The following CACNA1B variants were observed in gnomAD, a reference collection of about 807,000 sequenced individuals.
CACNA1B encodes voltage-dependent N-type calcium channel subunit alpha-1B.
In CACNA1B, 70 loss-of-function variants were observed where a neutral mutation model predicts 247.2. The observed-to-expected ratio is 0.28, with a 90% CI of 0.23 to 0.35. The LOEUF (loss-of-function observed/expected upper bound fraction) is 0.35. Among genes scored for constraint, CACNA1B ranks in the 10% least tolerant of loss-of-function variants. CACNA1B has a pLI of 1.00. For synonymous variants in CACNA1B, 1,231 were observed against 1,294.4 expected, an observed-to-expected ratio of 0.95 and a Z score of 1.05; for missense variants, 2,367 against 3,197.4, an observed-to-expected ratio of 0.74 and a Z score of 6.26.
Position 137,891,907 on chromosome 9 carries a change from G to A in CACNA1B, c.530+9024G>A, listed in dbSNP as rs532314917. ...CCTGCCCTCTTCACGACCCTGCTGT[G>A]AGCTCCTTTCTCCAGGGCTGGGCAG... On this transcript the variant is annotated intron_variant, in intron 3 of 46. Coordinates refer to ENST00000371372, the MANE Select transcript of CACNA1B (RefSeq NM_000718.4). This position sits in a 1 kb window ranked among gnomAD's most constrained non-coding sequence, Gnocchi z 4.3. The A allele has an allele frequency of 4.2e-5, 16 of 381,894 alleles. No homozygotes were observed. The East Asian group carries it at 1.2e-3, about 28-fold the overall frequency. The allele number at this position is 381,894 out of a possible 1,614,324, so 23.7% of individuals were successfully genotyped here. A position where few individuals can be genotyped will look rare whatever the true frequency, so the allele number is the denominator to read the frequency against.
chr9:138,116,337 C>T (rs1384979366), intron 42 of CACNA1B, among the ~76,000 whole-genome samples: 6 of 152,186 alleles, frequency 3.9e-5, no homozygotes, highest in Non-Finnish European at 5.9e-5. Flanking sequence ...ACAATATTTC[C>T]GGGTAACAAA....
intron 37 of CACNA1B, among the ~76,000 whole-genome samples, chr9:138,099,430 C>T (rs1343010073): frequency 6.6e-6 from 1 of 152,128 alleles, no homozygotes; most frequent in Non-Finnish European, 1.5e-5. Context: ...GACATGTGCA[C>T]CTGTGTGTGC....
chr9:138,078,621 G>T (rs1350547624), intron 36 of CACNA1B, among the ~76,000 whole-genome samples: 1 of 152,174 alleles, frequency 6.6e-6, no homozygotes, highest in Non-Finnish European at 1.5e-5. Context: ...GGTCGGCAGG[G>T]CAGGCCCCAG....
At position 137,888,360 on chromosome 9, in the gene CACNA1B, C is replaced by T. The variant is rs114954705; in HGVS notation, c.530+5477C>T. ...ACGTCACTGCCTCTGCCCTCCCGGG[C>T]CCCTCAGGAAGCCCCTGTCAAGCCT... On this transcript the variant is annotated intron_variant, in intron 3 of 46. Coordinates refer to ENST00000371372, the MANE Select transcript of CACNA1B (RefSeq NM_000718.4). The surrounding 1 kb of genome is among the most constrained non-coding windows in gnomAD (Gnocchi z 4.7). Among the ~76,000 whole-genome samples, 3 of 152,182 alleles carry T rather than the reference C, an allele frequency of 2.0e-5. No individual in the cohort carries two copies. The highest frequency in any genetic ancestry group is 4.1e-4 in the South Asian group (2 of 4,826).
rs144175822 is a variant in CACNA1B, at chr9:137,995,437, G to A, written c.1974+8583G>A. 3.2e-4 allele frequency among the ~76,000 whole-genome samples: 48 copies of A among 152,266 alleles called. No homozygotes were observed. In the East Asian group the frequency reaches 9.1e-3, roughly 29 times the overall value. On this transcript the variant is annotated intron_variant, in intron 15 of 46. Coordinates refer to ENST00000371372, the MANE Select transcript of CACNA1B (RefSeq NM_000718.4). ...AAACAAAAACATAAAGTGGGGAAAG[G>A]ACACCCTATTCAACAAATGGTGCTG...
In CACNA1B at chr9:138,118,756, G is replaced by A. The variant is rs199990042; in HGVS notation, c.6018G>A (p.Ala2006=). The change falls in exon 44 of 47, where the codon GCG becomes GCA. Residue 2006 remains alanine, a synonymous_variant. Coordinates refer to ENST00000371372, the MANE Select transcript of CACNA1B (RefSeq NM_000718.4). ...QGRAASMPRL[A]AETQPVTDAS... ...GAGCGGCCTCCATGCCCCGCCTTGC[G>A]GCCGAGACTCAGGTAGGTGGTCTGG... 31 of 1,506,264 alleles carry A rather than the reference G, an allele frequency of 2.1e-5. 1 individual carries two copies. In the South Asian group the frequency reaches 2.9e-4, roughly 14 times the overall value. The allele number at this position is 1,506,264 out of a possible 1,614,324, so 93.3% of individuals were successfully genotyped here.
chr9:138,031,377 G>T (rs1340644443), intron 20 of CACNA1B, among the ~76,000 whole-genome samples: 1 of 152,158 alleles, frequency 6.6e-6, no homozygotes, highest in African/African-American at 2.4e-5. Context: ...CAGAGAACAT[G>T]TTCTGTATTA....
rs1482792139 is a variant in CACNA1B, at chr9:138,058,486, T to C, written c.4309-83T>C. 3 of 1,308,960 alleles carry C rather than the reference T, an allele frequency of 2.3e-6. No homozygotes were observed. Among genetic ancestry groups the C allele is most frequent in the Non-Finnish European group, 3.2e-6 (3 of 944,490 alleles). The allele number at this position is 1,308,960 out of a possible 1,614,324, so 81.1% of individuals were successfully genotyped here. A position where few individuals can be genotyped will look rare whatever the true frequency, so the allele number is the denominator to read the frequency against. On this transcript the variant is annotated intron_variant, in intron 28 of 46. Coordinates refer to ENST00000371372, the MANE Select transcript of CACNA1B (RefSeq NM_000718.4). The surrounding 1 kb of genome is among the most constrained non-coding windows in gnomAD (Gnocchi z 4.7). ...TGTTGTCAGGGCTCCCTGTGAGGCC[T>C]GGCGAGACAGGGCTGGGTGCAGTAG...
chr9:137,936,854 C>A (rs559930909), intron 6 of CACNA1B, among the ~76,000 whole-genome samples: 6 of 152,312 alleles, frequency 3.9e-5, no homozygotes, highest in African/African-American at 1.4e-4. Context: ...TGTTTTGGTA[C>A]CAGTACCATG....
intron 3 of CACNA1B, among the ~76,000 whole-genome samples, chr9:137,900,426 T>C (rs556810634): frequency 3.3e-5 from 5 of 152,202 alleles, no homozygotes; most frequent in East Asian, 3.9e-4. Context: ...GTCTCTGCTG[T>C]GTGTGTCTGC....
chr9:138,070,633 G>A (rs530665452), intron 32 of CACNA1B, among the ~76,000 whole-genome samples: 3 of 152,342 alleles, frequency 2.0e-5, no homozygotes, highest in Admixed American at 2.0e-4. Flanking sequence ...AATTGGAGCA[G>A]AAGAGCTAGC....
chr9:138,103,053 CTT>C (rs1961306632), intron 38 of CACNA1B, among the ~76,000 whole-genome samples: 1 of 152,146 alleles, frequency 6.6e-6, no homozygotes, highest in Non-Finnish European at 1.5e-5. Context: ...GAGCTGCCCC[CTT>C]TGAGAGCCCC....
intron 37 of CACNA1B, among the ~76,000 whole-genome samples, chr9:138,097,881 G>A (rs901769981): frequency 6.6e-6 from 1 of 152,188 alleles, no homozygotes; most frequent in African/African-American, 2.4e-5. Context: ...CTGGGAGCCC[G>A]ACTAGACTTC....
intron 20 of CACNA1B, among the ~76,000 whole-genome samples, chr9:138,042,470 A>C (rs1165251654): frequency 4.6e-5 from 7 of 152,368 alleles, no homozygotes; most frequent in South Asian, 4.1e-4. Flanking sequence ...AAAACAAAAA[A>C]AAAACTTGCA....
At chr9:137,897,761 C>T (rs2133253822) in intron 3 of CACNA1B, among the ~76,000 whole-genome samples, 1 of 151,900 alleles carries the variant, frequency 6.6e-6, no homozygotes, top group East Asian at 1.9e-4. Flanking sequence ...CTCACTGCAA[C>T]CTCTGCCTCC....
chr9:138,021,770 TGAG>T, intron 18 of CACNA1B, among the ~76,000 whole-genome samples: 1 of 152,282 alleles, frequency 6.6e-6, no homozygotes, highest in Middle Eastern at 3.4e-3. Flanking sequence ...ACCTGATTCT[TGAG>T]GTGGTTGTAA....
chr9:138,023,786 A>C lies in CACNA1B; in HGVS notation c.3043A>C (p.Lys1015Gln). Reference sequence around the variant, plus strand: ...TGAGATAGTGGAAGCCGACAAGGAAAAGGAGCTCCGGAACCACCAGCCCCG... The same window carrying C: ...TGAGATAGTGGAAGCCGACAAGGAACAGGAGCTCCGGAACCACCAGCCCCG... ...EAEIVEADKEKELRNHQPREP... is the reference protein window; with the variant it reads ...EAEIVEADKEQELRNHQPREP... Residue 1015 changes from lysine to glutamine, a missense_variant, in exon 19 of 47, where the codon AAG (lysine) becomes CAG (glutamine). This residue lies in a region of CACNA1B where 631 missense variants were observed against 631.1 expected (regional missense o/e 1.00). Transcript: ENST00000371372. 1 of 1,473,682 alleles carries C rather than the reference A, an allele frequency of 6.8e-7. No homozygotes were observed. The highest frequency in any genetic ancestry group is 9.3e-7 in the Non-Finnish European group (1 of 1,078,188). 91.3% of individuals were successfully genotyped at this position (1,473,682 alleles called of 1,614,324 possible).
At chr9:138,066,750 GA>G (rs1426803425) in intron 31 of CACNA1B, among the ~76,000 whole-genome samples, 25 of 152,116 alleles carry the variant, frequency 1.6e-4, no homozygotes, top group African/African-American at 4.6e-4. Flanking sequence ...GCAGTACTCA[GA>G]AAGAAATTTA....
At chr9:137,956,401 C>T (rs542087641) in intron 8 of CACNA1B, among the ~76,000 whole-genome samples, 16 of 152,302 alleles carry the variant, frequency 1.1e-4, no homozygotes, top group African/African-American at 3.6e-4. Flanking sequence ...CTCACGCCTA[C>T]AGTCCCAGCA....
Sources: gnomAD v4.1 joint callset for allele counts (sites outside exome capture counted in the v4.1 genomes callset) on GRCh38, gnomAD v4.1.1 for gene constraint, gnomAD v4.1.1 regional missense constraint, Gnocchi (gnomAD v3.1) non-coding constraint, MANE v1.5 for transcripts, NCBI Gene and HGNC (gene_info 2026-07-23, HGNC 2026-07-21) for gene names.